RAPGEF6: variants seen among roughly 807,000 people sequenced by gnomAD.
RAPGEF6 encodes the protein Rap guanine nucleotide exchange factor 6.
Under a neutral mutation model 171.4 loss-of-function variants are expected in RAPGEF6, and 56 were observed. The ratio of observed to expected loss-of-function variants is 0.33; its 90% confidence interval spans 0.26 to 0.41. The LOEUF is 0.41. RAPGEF6 is among the 10% of genes least tolerant of loss of function. The pLI, the probability that RAPGEF6 is intolerant of heterozygous loss-of-function variation, is 1.00. For synonymous variants in RAPGEF6, 692 were observed against 650.1 expected (o/e 1.06, Z -0.98); for missense variants, 1,674 against 1,921.4 (o/e 0.87, Z 2.41).
At chr5:131,604,472 T>C in intron 2 of RAPGEF6, 151 bp downstream of exon 2, 1 of 821,888 alleles carries the variant, frequency 1.2e-6, no homozygotes, top group Middle Eastern at 2.8e-4. Context: ...CCTACCAAAA[T>C]ATAAACTCCA....
rs185559651 is a variant in RAPGEF6, at chr5:131,505,568, G to C, written c.943-46C>G. ...TTTATGAATCTTTTTAAAAAAGGTA[G>C]TTACATGTTAACTTTGAAAAAGAAT... On this transcript the variant is annotated intron_variant, in intron 9 of 27. Transcript: ENST00000509018. The C allele has an allele frequency of 2.0e-6, 3 of 1,515,474 alleles. No individual in the cohort carries two copies. In the East Asian group the frequency reaches 6.8e-5, roughly 34 times the overall value. The allele number at this position is 1,515,474 out of a possible 1,614,324, so 93.9% of individuals were successfully genotyped here.
intron 7 of RAPGEF6, among the ~76,000 whole-genome samples, chr5:131,518,791 T>C (rs1243461615): frequency 6.6e-6 from 1 of 152,182 alleles, no homozygotes. Flanking sequence ...AAGTTTCTTC[T>C]TTAAATTTCT....
chr5:131,635,106 G>A lies in RAPGEF6; in HGVS notation c.-76C>T. 7.0e-7 allele frequency: 1 copy of A among 1,420,492 alleles called. No homozygotes were observed. The highest frequency in any genetic ancestry group is 1.3e-5 in the South Asian group (1 of 74,404). 88.0% of individuals were successfully genotyped at this position (1,420,492 alleles called of 1,614,324 possible). On this transcript the variant is annotated 5_prime_UTR_variant, in exon 1 of 28. Coordinates refer to ENST00000509018, the MANE Select transcript of RAPGEF6 (RefSeq NM_016340.6). ...TTCATTCACACTAGGTAGCGGGTGC[G>A]GTACCTTTCCCCCGCCCCAAGGAGG...
chr5:131,431,275 T>G lies in RAPGEF6; in HGVS notation c.4049A>C (p.Gln1350Pro). 4 of 1,614,172 alleles carry G rather than the reference T, an allele frequency of 2.5e-6. No individual in the cohort carries two copies. Among genetic ancestry groups the G allele is most frequent in the Non-Finnish European group, 3.4e-6 (4 of 1,179,972 alleles). Residue 1350 changes from glutamine (Q) to proline (P), a missense_variant, in exon 26 of 28, where the codon CAA (glutamine) becomes CCA (proline). Around this residue, in one of 3 missense-constraint regions of RAPGEF6, gnomAD observed 552 missense variants for 574.2 expected, o/e 0.96. Coordinates refer to ENST00000509018, the MANE Select transcript of RAPGEF6 (RefSeq NM_016340.6). Reference protein sequence around the residue: ...SSSVSNEEISQEHIIIEAADS... With the variant: ...SSSVSNEEISPEHIIIEAADS... The stretch of plus-strand genomic sequence containing the variant: ...AGCTGCTTCTATAATGATATGCTCT[T>G]GAGAAATCTCTTCATTGCTCACAGA...
chr5:131,560,944 C>T (rs1056669270), intron 5 of RAPGEF6, among the ~76,000 whole-genome samples: 27 of 152,268 alleles, frequency 1.8e-4, no homozygotes, highest in African/African-American at 6.3e-4. Context: ...CATTAAAATG[C>T]TTCATTAAGA....
chr5:131,614,620 C>T (rs1765157992), intron 1 of RAPGEF6, among the ~76,000 whole-genome samples: 1 of 152,242 alleles, frequency 6.6e-6, no homozygotes, highest in Non-Finnish European at 1.5e-5. Flanking sequence ...CCTCCCCCAT[C>T]ACTGGGGATT....
intron 21 of RAPGEF6, among the ~76,000 whole-genome samples, chr5:131,449,359 A>G (rs748944864): frequency 2.6e-5 from 4 of 152,222 alleles, no homozygotes; most frequent in Non-Finnish European, 4.4e-5. Flanking sequence ...AATTCAGTCA[A>G]TGCTACAAGT....
chr5:131,490,670 GA>G (rs562914021), intron 14 of RAPGEF6, among the ~76,000 whole-genome samples: 72 of 152,098 alleles, frequency 4.7e-4, no homozygotes, highest in African/African-American at 1.7e-3. Context: ...GTCACTGTGG[GA>G]AAAAAATGTT....
intron 23 of RAPGEF6, chr5:131,439,930 C>G (rs1334827057): frequency 5.0e-6 from 4 of 797,728 alleles, no homozygotes; most frequent in Non-Finnish European, 5.7e-6. Flanking sequence ...TCAGCATGGA[C>G]CAGATTATAT....
intron 13 of RAPGEF6, among the ~76,000 whole-genome samples, chr5:131,493,150 C>T (rs1756404197): frequency 6.6e-6 from 1 of 152,122 alleles, no homozygotes; most frequent in Admixed American, 6.5e-5. Flanking sequence ...CTGCAGGCTC[C>T]ACCTCCCGGG....
intron 1 of RAPGEF6, among the ~76,000 whole-genome samples, chr5:131,613,325 G>A (rs1765056593): frequency 6.6e-6 from 1 of 152,136 alleles, no homozygotes; most frequent in Non-Finnish European, 1.5e-5. Context: ...CAGGAGAATA[G>A]TGTGAACCCA....
Position 131,635,195 on chromosome 5 carries a change from C to CCT in RAPGEF6, c.-167_-166dup, listed in dbSNP as rs534126537. ...AACCCTTCGCAACGCCCGCCTAAGG[C>CCT]CTCTACCCACGCGCGACTGGCCGGA... is the stretch of plus-strand genomic sequence containing the variant. On this transcript the variant is annotated 5_prime_UTR_variant, in exon 1 of 28. Coordinates refer to ENST00000509018, the MANE Select transcript of RAPGEF6 (RefSeq NM_016340.6). 897 of 677,714 alleles carry CCT rather than the reference C, an allele frequency of 1.3e-3. 1 individual carries two copies. The highest frequency in any genetic ancestry group is 1.3e-3 in the Non-Finnish European group (545 of 419,148). 42.0% of individuals were successfully genotyped at this position (677,714 alleles called of 1,614,324 possible). A position where few individuals can be genotyped will look rare whatever the true frequency, so the allele number is the denominator to read the frequency against.
At chr5:131,475,751 A>T (rs1291908488) in intron 16 of RAPGEF6, among the ~76,000 whole-genome samples, 1 of 152,218 alleles carries the variant, frequency 6.6e-6, no homozygotes, top group Non-Finnish European at 1.5e-5. Context: ...ATTTTTAGGA[A>T]CATTCTTTTA....
rs141890889 is a variant in RAPGEF6, at chr5:131,599,565, G to A, written c.197+3706C>T. On this transcript the variant is annotated intron_variant, in intron 3 of 27. Transcript: ENST00000509018. ...TTTAACACAAAGTGGACACTGCAGCGCAAGAGAGAAAAAGATAGTTTTTCA... is the reference window on the plus strand; with the variant it reads ...TTTAACACAAAGTGGACACTGCAGCACAAGAGAGAAAAAGATAGTTTTTCA... 4.7e-4 allele frequency among the ~76,000 whole-genome samples: 72 copies of A among 152,170 alleles called. No homozygotes were observed. In the East Asian group the frequency reaches 0.012, roughly 25 times the overall value.
intron 1 of RAPGEF6, among the ~76,000 whole-genome samples, chr5:131,624,553 G>A (rs975839439): frequency 6.6e-6 from 1 of 152,126 alleles, no homozygotes; most frequent in Non-Finnish European, 1.5e-5. Context: ...CAGCTACTTG[G>A]GAAAATTGCT....
chr5:131,467,201 T>C (rs1754415965), intron 17 of RAPGEF6, among the ~76,000 whole-genome samples: 1 of 152,250 alleles, frequency 6.6e-6, no homozygotes, highest in African/African-American at 2.4e-5. Context: ...GAGCACACAA[T>C]TGTATATCTT....
chr5:131,485,965 T>C (rs1755856585), intron 15 of RAPGEF6, among the ~76,000 whole-genome samples: 1 of 152,242 alleles, frequency 6.6e-6, no homozygotes, highest in African/African-American at 2.4e-5. Flanking sequence ...AAATTATTTT[T>C]AGAAATAACA....
chr5:131,614,220 T>G (rs1247384372), intron 1 of RAPGEF6, among the ~76,000 whole-genome samples: 1 of 128,062 alleles, frequency 7.8e-6, no homozygotes, highest in East Asian at 2.2e-4. Flanking sequence ...GGGCGGAGGT[T>G]GCAGCAAGCC....
At chr5:131,519,657 C>T (rs1758345225) in intron 7 of RAPGEF6, among the ~76,000 whole-genome samples, 1 of 152,142 alleles carries the variant, frequency 6.6e-6, no homozygotes, top group Non-Finnish European at 1.5e-5. Flanking sequence ...CCGCCTAGGC[C>T]TCCCATCCTA....
Sources: gnomAD v4.1 joint callset for allele counts (sites outside exome capture counted in the v4.1 genomes callset) on GRCh38, gnomAD v4.1.1 for gene constraint, gnomAD v4.1.1 regional missense constraint, MANE v1.5 for transcripts, NCBI Gene and HGNC (gene_info 2026-07-23, HGNC 2026-07-21) for gene names.